Variants in ADGRL3 observed in about 807,000 individuals in gnomAD.
ADGRL3 encodes calcium-independent alpha-latrotoxin receptor 3.
In ADGRL3, 62 loss-of-function variants were observed where a neutral mutation model predicts 153.5. The ratio of observed to expected loss-of-function variants is 0.40; its 90% CI spans 0.33 to 0.50. The LOEUF is 0.50. Among genes scored for constraint, ADGRL3 ranks in the 20% least tolerant of loss-of-function variants. The pLI, the probability that ADGRL3 is intolerant of heterozygous loss-of-function variation, is 0.47. For missense variants in ADGRL3, 1,641 were observed against 1,859.4 expected, an observed-to-expected ratio of 0.88 and a Z score of 2.16; for synonymous variants, 710 against 672.5, an observed-to-expected ratio of 1.06 and a Z score of -0.86.
At chr4:62,054,245 G>C (rs1237006410) in intron 25 of ADGRL3, among the ~76,000 whole-genome samples, 1 of 151,594 alleles carries the variant, frequency 6.6e-6, no homozygotes, top group Admixed American at 6.6e-5. Flanking sequence ...AAATGTTCAA[G>C]TTAAAAGAAC....
At chr4:61,503,778 G>C (rs1273875744) in intron 3 of ADGRL3, among the ~76,000 whole-genome samples, 2 of 151,836 alleles carry the variant, frequency 1.3e-5, no homozygotes, top group East Asian at 3.9e-4. Flanking sequence ...ACATGTTTAT[G>C]GGGGTACTTA....
At chr4:61,363,414 G>A (rs1465271342) in intron 1 of ADGRL3, among the ~76,000 whole-genome samples, 2 of 151,738 alleles carry the variant, frequency 1.3e-5, no homozygotes, top group African/African-American at 4.8e-5. Flanking sequence ...TTATCTGGTA[G>A]TGACACTCAC....
At chr4:61,856,281 T>C (rs1180876775) in intron 9 of ADGRL3, among the ~76,000 whole-genome samples, 7 of 151,972 alleles carry the variant, frequency 4.6e-5, no homozygotes, top group Non-Finnish European at 7.4e-5. Flanking sequence ...CTTTCTTTCC[T>C]TCTTTCTCTT....
intron 2 of ADGRL3, among the ~76,000 whole-genome samples, chr4:61,449,770 C>A (rs1486839775): frequency 1.3e-5 from 2 of 151,938 alleles, no homozygotes; most frequent in Non-Finnish European, 1.5e-5. Context: ...TTTAGTTAAC[C>A]AAGGACTCTA....
At chr4:62,027,303 G>A (rs1458563184) in intron 21 of ADGRL3, among the ~76,000 whole-genome samples, 1 of 151,772 alleles carries the variant, frequency 6.6e-6, no homozygotes, top group Admixed American at 6.6e-5. Flanking sequence ...TCCGTTTCTT[G>A]GCTTAAAACT....
chr4:61,359,606 GTTTTTACTCGAA>G (rs758932539), intron 1 of ADGRL3, among the ~76,000 whole-genome samples: 3 of 152,018 alleles, frequency 2.0e-5, no homozygotes, highest in Admixed American at 6.6e-5. Flanking sequence ...TTACATTCAG[GTTTTTACTCGAA>G]TTTTACCTTC....
chr4:61,761,891 A>G (rs959524662), intron 8 of ADGRL3, among the ~76,000 whole-genome samples: 58 of 152,128 alleles, frequency 3.8e-4, no homozygotes, highest in African/African-American at 1.4e-3. Context: ...TGATCACACC[A>G]CTATACTCCA....
intron 21 of ADGRL3, among the ~76,000 whole-genome samples, chr4:62,012,025 A>G (rs1344517593): frequency 6.6e-6 from 1 of 152,072 alleles, no homozygotes; most frequent in Non-Finnish European, 1.5e-5. Context: ...ATGTATTAAT[A>G]TATATAATTT....
At chr4:61,668,326 A>G (rs948360327) in intron 5 of ADGRL3, among the ~76,000 whole-genome samples, 1 of 152,252 alleles carries the variant, frequency 6.6e-6, no homozygotes, top group African/African-American at 2.4e-5. Flanking sequence ...AAGCTTCCTT[A>G]TGAAACAAAC....
At chr4:61,390,595 T>G (rs927669286) in intron 2 of ADGRL3, among the ~76,000 whole-genome samples, 2 of 152,230 alleles carry the variant, frequency 1.3e-5, no homozygotes, top group Admixed American at 1.3e-4. Flanking sequence ...CATTTAAAAT[T>G]AGTTATTGTA....
chr4:61,712,777 G>A (rs1368806040), intron 6 of ADGRL3, among the ~76,000 whole-genome samples: 2 of 152,182 alleles, frequency 1.3e-5, no homozygotes, highest in Admixed American at 6.5e-5. Context: ...CCATCTGAAT[G>A]AAGCCAGTGC....
At chr4:61,474,059 A>T (rs549150411) in intron 2 of ADGRL3, among the ~76,000 whole-genome samples, 2 of 152,140 alleles carry the variant, frequency 1.3e-5, no homozygotes, top group Non-Finnish European at 2.9e-5. Flanking sequence ...TTACAGAAGT[A>T]GGGATTATTT....
chr4:61,408,721 TATGC>T (rs1228243979), intron 2 of ADGRL3, among the ~76,000 whole-genome samples: 1 of 152,138 alleles, frequency 6.6e-6, no homozygotes, highest in Non-Finnish European at 1.5e-5. Context: ...TTAAAATTAA[TATGC>T]ATGGTTTTAG....
intron 4 of ADGRL3, chr4:61,583,613 A>G: frequency 7.8e-6 from 4 of 514,360 alleles, no homozygotes; most frequent in Non-Finnish European, 1.6e-5. Context: ...TTTGATATGA[A>G]TTTTGGAAAC....
chr4:61,314,510 C>T (rs1023334876), intron 1 of ADGRL3, among the ~76,000 whole-genome samples: 1 of 152,140 alleles, frequency 6.6e-6, no homozygotes, highest in East Asian at 1.9e-4. Flanking sequence ...GCTGGGCCCC[C>T]TACCTTGATT....
intron 2 of ADGRL3, among the ~76,000 whole-genome samples, chr4:61,451,859 C>G (rs868862221): frequency 6.6e-6 from 1 of 152,108 alleles, no homozygotes; most frequent in African/African-American, 2.4e-5. Context: ...GAATAGAGGT[C>G]AGTTTCCCAG....
intron 1 of ADGRL3, among the ~76,000 whole-genome samples, chr4:61,203,499 A>G (rs1735783685): frequency 6.6e-6 from 1 of 152,146 alleles, no homozygotes; most frequent in African/African-American, 2.4e-5. Flanking sequence ...GCTGCTGGGG[A>G]AATGAGGAGA....
At chr4:61,322,858 C>T (rs1484613685) in intron 1 of ADGRL3, among the ~76,000 whole-genome samples, 1 of 152,170 alleles carries the variant, frequency 6.6e-6, no homozygotes, top group African/African-American at 2.4e-5. Flanking sequence ...GGATGGTGGT[C>T]CTCTTCTCAC....
intron 1 of ADGRL3, among the ~76,000 whole-genome samples, chr4:61,323,698 C>T (rs2095410535): frequency 6.6e-6 from 1 of 152,172 alleles, no homozygotes. Flanking sequence ...TTGCTTATAT[C>T]ACTATCAGCA....
Sources: gnomAD v4.1 joint callset for allele counts (sites outside exome capture counted in the v4.1 genomes callset) on GRCh38, gnomAD v4.1.1 for gene constraint, MANE v1.5 for transcripts, NCBI Gene and HGNC (gene_info 2026-07-23, HGNC 2026-07-21) for gene names.